Variants in AOAH observed in about 807,000 individuals in gnomAD.
AOAH encodes acyloxyacyl hydrolase, also known as acyloxyacyl hydrolase (neutrophil).
AOAH carries 64 observed loss-of-function variants against 92.2 expected under a neutral mutation model. The ratio of observed to expected loss-of-function variants is 0.69; its 90% CI spans 0.57 to 0.86. AOAH has a LOEUF of 0.86. AOAH is among the 40% of genes least tolerant of loss of function. The pLI, the probability that AOAH is intolerant of heterozygous loss-of-function variation, is 0.00. For synonymous variants in AOAH, 263 were observed against 254.5 expected (o/e 1.03, Z -0.32); for missense variants, 656 against 694.6 (o/e 0.94, Z 0.62).
intron 13 of AOAH, among the ~76,000 whole-genome samples, chr7:36,556,928 C>G (rs1387282112): frequency 1.3e-5 from 2 of 151,686 alleles, no homozygotes; most frequent in African/African-American, 4.8e-5. Context: ...TGGCTCTTGA[C>G]TCTTTATCCA....
intron 4 of AOAH, among the ~76,000 whole-genome samples, chr7:36,638,190 C>T (rs1020816017): frequency 2.6e-5 from 4 of 152,198 alleles, no homozygotes; most frequent in African/African-American, 7.2e-5. Context: ...GACGAGGAAA[C>T]CGAGATGCAG....
chr7:36,665,105 A>G (rs1795456573), intron 3 of AOAH, among the ~76,000 whole-genome samples: 1 of 152,200 alleles, frequency 6.6e-6, no homozygotes, highest in Admixed American at 6.5e-5. Flanking sequence ...AAACATCCAA[A>G]CAATATCACT....
At chr7:36,648,325 T>A (rs1197053227) in intron 4 of AOAH, among the ~76,000 whole-genome samples, 1 of 152,230 alleles carries the variant, frequency 6.6e-6, no homozygotes, top group African/African-American at 2.4e-5. Flanking sequence ...ATTTTTCACT[T>A]TTTAAATTAT....
At chr7:36,540,590 A>C in intron 15 of AOAH, 99 bp from the exon 16 acceptor site, 1 of 1,004,942 alleles carries the variant, frequency 1.0e-6, no homozygotes, top group South Asian at 1.6e-5. Context: ...ACATACGCAC[A>C]CACACACACA....
rs1268008161 is a variant in AOAH, at chr7:36,614,767, A to G, written c.846+1613T>C. Among the ~76,000 whole-genome samples, 1 of 152,236 alleles carries G rather than the reference A, an allele frequency of 6.6e-6. No homozygotes were observed. The highest frequency in any genetic ancestry group is 2.4e-5 in the African/African-American group (1 of 41,468). On this transcript the variant is annotated intron_variant, in intron 11 of 20. Coordinates refer to ENST00000617537, the MANE Select transcript of AOAH (RefSeq NM_001637.4). This position sits in a 1 kb window ranked among gnomAD's most constrained non-coding sequence, Gnocchi z 4.2. ...ACCTGCCCCAGCCGGCAGTGCTGGC[A>G]TCTGGTGGGCAGAGGAGACAAACTC...
At chr7:36,550,373 A>C (rs1174902980) in intron 13 of AOAH, 1 of 152,106 alleles carries the variant, frequency 6.6e-6, no homozygotes, top group Non-Finnish European at 1.5e-5. Flanking sequence ...AAAAAAAAGA[A>C]AATCATATTT....
chr7:36,515,840 C>T (rs543008987), intron 20 of AOAH, among the ~76,000 whole-genome samples: 47 of 124,598 alleles, frequency 3.8e-4, no homozygotes, highest in Admixed American at 4.1e-4. Flanking sequence ...CACACACATA[C>T]GTCACACACC....
chr7:36,723,278 T>A (rs17170682), intron 1 of AOAH, among the ~76,000 whole-genome samples: 1 of 152,012 alleles, frequency 6.6e-6, no homozygotes, highest in Non-Finnish European at 1.5e-5. Context: ...AGAATTCCCA[T>A]GTTATGAGAG....
chr7:36,640,214 T>A (rs2116337905), intron 4 of AOAH, among the ~76,000 whole-genome samples: 1 of 152,078 alleles, frequency 6.6e-6, no homozygotes, highest in South Asian at 2.1e-4. Flanking sequence ...AGAGTCCTGA[T>A]CCCAGATGGA....
intron 1 of AOAH, among the ~76,000 whole-genome samples, chr7:36,710,059 T>C (rs1257150110): frequency 2.0e-5 from 3 of 152,218 alleles, no homozygotes; most frequent in Admixed American, 6.5e-5. Flanking sequence ...CATTTCTATG[T>C]GTGGTAGGTA....
intron 13 of AOAH, among the ~76,000 whole-genome samples, chr7:36,569,961 A>C (rs948714040): frequency 6.6e-6 from 1 of 150,994 alleles, no homozygotes; most frequent in South Asian, 2.1e-4. Flanking sequence ...TTTTTCTTCT[A>C]CTCTTGATTT....
intron 4 of AOAH, among the ~76,000 whole-genome samples, chr7:36,647,073 G>A (rs1584023808): frequency 6.6e-6 from 1 of 152,178 alleles, no homozygotes; most frequent in Middle Eastern, 3.2e-3. Flanking sequence ...AAATTTCAGG[G>A]ACTAGCACTA....
At chr7:36,604,841 G>T (rs976010195) in intron 11 of AOAH, among the ~76,000 whole-genome samples, 1 of 152,234 alleles carries the variant, frequency 6.6e-6, no homozygotes, top group African/African-American at 2.4e-5. Context: ...CTGTTAAGAA[G>T]AGCTGATGCA....
chr7:36,705,724 A>G (rs1798360014), intron 1 of AOAH, among the ~76,000 whole-genome samples: 1 of 152,200 alleles, frequency 6.6e-6, no homozygotes, highest in Admixed American at 6.5e-5. Flanking sequence ...ACGTTACCTG[A>G]CTTCAAACTA....
chr7:36,724,489 C>A lies in AOAH; in HGVS notation c.-341G>T. Reference sequence around the variant, plus strand: ...GTGGCACAACTTCCGTGCTCCCTGGCTCAGTGAAGTTAGTGTGCATAAACC... The same window carrying A: ...GTGGCACAACTTCCGTGCTCCCTGGATCAGTGAAGTTAGTGTGCATAAACC... On this transcript the variant is annotated 5_prime_UTR_variant, in exon 1 of 21. Coordinates refer to ENST00000617537, the MANE Select transcript of AOAH (RefSeq NM_001637.4). 1 of 212,966 alleles carries A rather than the reference C, an allele frequency of 4.7e-6. No individual in the cohort carries two copies. Among genetic ancestry groups the A allele is most frequent in the East Asian group, 9.7e-5 (1 of 10,336 alleles). The allele number at this position is 212,966 out of a possible 1,614,324, so 13.2% of individuals were successfully genotyped here.
At chr7:36,601,747 G>A (rs1324697610) in intron 11 of AOAH, among the ~76,000 whole-genome samples, 1 of 152,196 alleles carries the variant, frequency 6.6e-6, no homozygotes, top group Non-Finnish European at 1.5e-5. Context: ...GGGCTTTCAA[G>A]AAAGGAGTCT....
At chr7:36,514,681 G>C in intron 20 of AOAH, 2 of 876,358 alleles carry the variant, frequency 2.3e-6, no homozygotes, top group Non-Finnish European at 3.6e-6. Context: ...TCAATGCTGA[G>C]CAATGAGAAA....
At chr7:36,526,479 C>G (rs2115905923) in intron 19 of AOAH, among the ~76,000 whole-genome samples, 1 of 152,334 alleles carries the variant, frequency 6.6e-6, no homozygotes, top group East Asian at 1.9e-4. Flanking sequence ...CAATACCAGA[C>G]ACTGGTCTTT....
In AOAH at chr7:36,621,762, A is replaced by G; in HGVS notation, c.601T>C (p.Trp201Arg). ...SVFPTLRGYH[W>R]RGRDCNDSDE... Reference sequence around the variant, plus strand: ...CTGTCATTACAGTCTCTCCCCCGCCAGTGATAGCCCCGCAGTGTCTGAAAT... The same window carrying G: ...CTGTCATTACAGTCTCTCCCCCGCCGGTGATAGCCCCGCAGTGTCTGAAAT... Residue 201 changes from tryptophan (W) to arginine (R), a missense_variant, in exon 8 of 21, where the codon TGG becomes CGG. By Grantham distance (101) the Trp-to-Arg change is moderately radical. Coordinates refer to ENST00000617537, the MANE Select transcript of AOAH (RefSeq NM_001637.4). 6.2e-7 allele frequency: 1 copy of G among 1,614,144 alleles called. No homozygotes were observed. The highest frequency in any genetic ancestry group is 8.5e-7 in the Non-Finnish European group (1 of 1,180,018).
Sources: allele counts gnomAD v4.1 joint callset (sites outside exome capture counted in the v4.1 genomes callset), GRCh38; gene constraint gnomAD v4.1.1; non-coding constraint Gnocchi (gnomAD v3.1); transcripts MANE v1.5; gene names NCBI Gene and HGNC (gene_info 2026-07-23, HGNC 2026-07-21).